The following PLOD2 variants were observed in gnomAD, a reference collection of about 807,000 sequenced individuals.
The protein encoded by PLOD2 is procollagen-lysine,2-oxoglutarate 5-dioxygenase 2, also known as lysine hydroxylase 2.
PLOD2 carries 65 observed loss-of-function variants against 101.0 expected under a neutral mutation model. That is an observed-to-expected ratio of 0.64 (90% CI 0.53 to 0.79). PLOD2 has a LOEUF of 0.79. Ranked by LOEUF, PLOD2 falls within the 30% of genes least tolerant of loss-of-function variation. The pLI is 0.00. For missense variants in PLOD2, 909 were observed against 914.6 expected (o/e 0.99, Z 0.08); for synonymous variants, 314 against 302.9 (o/e 1.04, Z -0.38).
At chr3:146,130,133 T>G (rs907282644) in intron 1 of PLOD2, among the ~76,000 whole-genome samples, 3 of 152,304 alleles carry the variant, frequency 2.0e-5, no homozygotes, top group African/African-American at 7.2e-5. Context: ...CACATTGGCC[T>G]GTATTTTTAT....
intron 3 of PLOD2, among the ~76,000 whole-genome samples, chr3:146,112,039 T>C (rs1215259250): frequency 1.3e-5 from 2 of 152,176 alleles, no homozygotes; most frequent in Admixed American, 6.5e-5. Context: ...TTGGAGACTC[T>C]GACTAAACTG....
At chr3:146,114,913 A>C (rs546510995) in intron 3 of PLOD2, among the ~76,000 whole-genome samples, 1 of 152,318 alleles carries the variant, frequency 6.6e-6, no homozygotes, top group Admixed American at 6.5e-5. Flanking sequence ...GTCTTCATTA[A>C]AATCGACAAA....
intron 3 of PLOD2, among the ~76,000 whole-genome samples, chr3:146,111,413 G>A (rs1197306217): frequency 6.6e-6 from 1 of 152,032 alleles, no homozygotes; most frequent in Non-Finnish European, 1.5e-5. Flanking sequence ...CTTAGGACAA[G>A]TCACTTAACC....
chr3:146,107,622 A>ATTTT lies in PLOD2; in HGVS notation c.503-982_503-979dup, dbSNP rs71158215. Among the ~76,000 whole-genome samples the ATTTT allele has an allele frequency of 4.1e-4, 28 of 68,920 alleles. 1 individual carries two copies. The highest frequency in any genetic ancestry group is 1.6e-3 in the African/African-American group (27 of 17,186). The allele number at this position is 68,920 out of a possible 152,430, so 45.2% of individuals were successfully genotyped here. Reference sequence around the variant, plus strand: ...TCATTTTTTGGTTCTTGCCATATAAATTTTTTTTTTTTTTTTTTTTTTTTT... The same window carrying ATTTT: ...TCATTTTTTGGTTCTTGCCATATAAATTTTTTTTTTTTTTTTTTTTTTTTTTTTT... On this transcript the variant is annotated intron_variant, in intron 4 of 19. Coordinates refer to ENST00000282903, the MANE Select transcript of PLOD2 (RefSeq NM_182943.3).
chr3:146,125,932 T>C, intron 1 of PLOD2, among the ~76,000 whole-genome samples: 1 of 152,188 alleles, frequency 6.6e-6, no homozygotes, highest in East Asian at 1.9e-4. Flanking sequence ...TTACTCTATT[T>C]AAAGTTACAT....
At position 146,128,880 on chromosome 3, in the gene PLOD2, C is replaced by CTTT. The variant is rs3975816; in HGVS notation, c.110-4654_110-4652dup. On this transcript the variant is annotated intron_variant, in intron 1 of 19. Coordinates refer to ENST00000282903, the MANE Select transcript of PLOD2 (RefSeq NM_182943.3). ...CAGCTTCTGAAGTCCATCTGAAATC[C>CTTT]TTTTTTTTTTTTTTTTTTTTTTTTT... is the stretch of plus-strand genomic sequence containing the variant. Among the ~76,000 whole-genome samples, 662 of 73,236 alleles carry CTTT rather than the reference C, an allele frequency of 9.0e-3. 63 individuals are homozygous for CTTT. Among genetic ancestry groups the CTTT allele is most frequent in the Middle Eastern group, 0.047 (3 of 64 alleles). The allele number at this position is 73,236 out of a possible 152,430, so 48.0% of individuals were successfully genotyped here. A position where few individuals can be genotyped will look rare whatever the true frequency, so the allele number is the denominator to read the frequency against.
At chr3:146,080,669 T>C (rs1243465316) in intron 12 of PLOD2, among the ~76,000 whole-genome samples, 1 of 152,042 alleles carries the variant, frequency 6.6e-6, no homozygotes, top group African/African-American at 2.4e-5. Flanking sequence ...CTAAAGCAAC[T>C]TGAAACAAAT....
intron 1 of PLOD2, among the ~76,000 whole-genome samples, chr3:146,160,559 G>A (rs1042679927): frequency 2.6e-5 from 4 of 152,172 alleles, no homozygotes; most frequent in Non-Finnish European, 5.9e-5. Context: ...TCGGAAAGGA[G>A]GGGAAAGGAG....
At chr3:146,136,126 T>G (rs1217612269) in intron 1 of PLOD2, among the ~76,000 whole-genome samples, 1 of 152,174 alleles carries the variant, frequency 6.6e-6, no homozygotes, top group Non-Finnish European at 1.5e-5. Flanking sequence ...TTACATCTTC[T>G]GGGTTTTGTT....
At position 146,104,203 on chromosome 3, in the gene PLOD2, C is replaced by A. The variant is rs1937490073; in HGVS notation, c.679+76G>T. 5.8e-6 allele frequency: 5 copies of A among 858,042 alleles called. No homozygotes were observed. In the East Asian group the frequency reaches 1.2e-4, roughly 21 times the overall value. The allele number at this position is 858,042 out of a possible 1,614,324, so 53.2% of individuals were successfully genotyped here. On this transcript the variant is annotated intron_variant, in intron 6 of 19. Coordinates refer to ENST00000282903, the MANE Select transcript of PLOD2 (RefSeq NM_182943.3). ...ACCTTAGTCACAGCCCCCAAATGGA[C>A]ATAACAAAGGAAAGATAGTTGAAAA... is the stretch of plus-strand genomic sequence containing the variant.
intron 1 of PLOD2, among the ~76,000 whole-genome samples, chr3:146,147,429 A>G (rs1458173171): frequency 1.3e-5 from 2 of 152,212 alleles, no homozygotes; most frequent in African/African-American, 4.8e-5. Context: ...AGAAGACACT[A>G]GAAGCGGGGC....
chr3:146,139,190 T>C (rs535761904), intron 1 of PLOD2, among the ~76,000 whole-genome samples: 30 of 152,208 alleles, frequency 2.0e-4, no homozygotes, highest in African/African-American at 5.1e-4. Flanking sequence ...CTAAACAACA[T>C]TGATGGACAG....
At chr3:146,075,949 T>A (rs976337015) in intron 15 of PLOD2, 3 of 151,622 alleles carry the variant, frequency 2.0e-5, no homozygotes, top group Non-Finnish European at 4.4e-5. Flanking sequence ...TTAAAAACAA[T>A]TTCAGCTTTT....
intron 1 of PLOD2, among the ~76,000 whole-genome samples, chr3:146,124,840 A>G (rs1255197362): frequency 6.6e-6 from 1 of 152,086 alleles, no homozygotes; most frequent in Non-Finnish European, 1.5e-5. Flanking sequence ...CTCTTTAAAG[A>G]ATAAATGGAA....
chr3:146,103,186 A>G (rs571725767), intron 6 of PLOD2, among the ~76,000 whole-genome samples: 130 of 152,320 alleles, frequency 8.5e-4, no homozygotes, highest in African/African-American at 3.0e-3. Flanking sequence ...TATTCTTGCC[A>G]AGTTAAATTA....
intron 1 of PLOD2, among the ~76,000 whole-genome samples, chr3:146,158,783 C>G (rs1177853916): frequency 2.0e-5 from 3 of 152,036 alleles, no homozygotes; most frequent in Non-Finnish European, 4.4e-5. Context: ...AAAGAAGTGT[C>G]TGGCTCAAAA....
chr3:146,086,845 T>C lies in PLOD2; in HGVS notation c.1069A>G (p.Ile357Val), dbSNP rs181836828. Reference sequence around the variant, plus strand: ...TTTTCTTCTGGTCCTACTATTTTTATAGTTTTGATTTCATGCTTAGCTTTA... The same window carrying C: ...TTTTCTTCTGGTCCTACTATTTTTACAGTTTTGATTTCATGCTTAGCTTTA... ...FDKAKHEIKT[I>V]KIVGPEENLS... The change falls in exon 10 of 20, where the codon ATA becomes GTA. Residue 357 changes from isoleucine to valine, a missense_variant. Physicochemically the swap from Ile to Val is conservative, Grantham distance 29. Coordinates refer to ENST00000282903, the MANE Select transcript of PLOD2 (RefSeq NM_182943.3). 5 of 1,534,786 alleles carry C rather than the reference T, an allele frequency of 3.3e-6. No individual in the cohort carries two copies. Among genetic ancestry groups the C allele is most frequent in the Admixed American group, 1.8e-5 (1 of 56,940 alleles).
At chr3:146,073,847 G>T (rs1435824175) in intron 15 of PLOD2, among the ~76,000 whole-genome samples, 1 of 151,516 alleles carries the variant, frequency 6.6e-6, no homozygotes, top group Non-Finnish European at 1.5e-5. Flanking sequence ...ACAAGTATTT[G>T]TAAAAATGAA....
chr3:146,094,449 CAGAG>C (rs781650412), intron 7 of PLOD2, among the ~76,000 whole-genome samples: 10 of 152,060 alleles, frequency 6.6e-5, no homozygotes, highest in African/African-American at 2.2e-4. Context: ...CAATAATAGA[CAGAG>C]AGCCAAATTA....
Sources: allele counts gnomAD v4.1 joint callset (sites outside exome capture counted in the v4.1 genomes callset), GRCh38; gene constraint gnomAD v4.1.1; transcripts MANE v1.5; gene names NCBI Gene and HGNC (gene_info 2026-07-23, HGNC 2026-07-21).